The following GPC5 variants were observed in gnomAD, a reference collection of about 807,000 sequenced individuals.
GPC5 encodes the protein glypican 5.
A neutral mutation model predicts 53.9 loss-of-function variants in GPC5; 47 were observed. The ratio of observed to expected loss-of-function variants is 0.87; its 90% CI spans 0.69 to 1.11. The LOEUF (loss-of-function observed/expected upper bound fraction) is 1.11, where lower values mean the gene tolerates loss of function less well. Ranked by LOEUF, GPC5 falls within the 50% of genes most tolerant of loss-of-function variation. The pLI is 0.00. For missense variants in GPC5, 748 were observed against 713.1 expected, an observed-to-expected ratio of 1.05 and a Z score of -0.56; for synonymous variants, 286 against 263.3, an observed-to-expected ratio of 1.09 and a Z score of -0.84.
At chr13:91,972,898 C>A (rs1396116844) in intron 6 of GPC5, among the ~76,000 whole-genome samples, 1 of 152,176 alleles carries the variant, frequency 6.6e-6, no homozygotes, top group Non-Finnish European at 1.5e-5. Flanking sequence ...CTGCCCTTAA[C>A]ATTTTTTCCT....
intron 7 of GPC5, among the ~76,000 whole-genome samples, chr13:92,694,075 C>T (rs1887490963): frequency 6.6e-6 from 1 of 152,174 alleles, no homozygotes; most frequent in Non-Finnish European, 1.5e-5. Context: ...AGACCCAAAC[C>T]TTGGTGGCTT....
At chr13:92,684,072 C>G (rs1887183398) in intron 7 of GPC5, among the ~76,000 whole-genome samples, 1 of 151,988 alleles carries the variant, frequency 6.6e-6, no homozygotes, top group Non-Finnish European at 1.5e-5. Context: ...CTAGTTATTC[C>G]TCCTTTCTTT....
chr13:92,561,769 G>T (rs1208102897), intron 7 of GPC5, among the ~76,000 whole-genome samples: 2 of 152,016 alleles, frequency 1.3e-5, no homozygotes, highest in Non-Finnish European at 2.9e-5. Context: ...AAAAGAGAAG[G>T]TTTGGAGTTT....
intron 2 of GPC5, among the ~76,000 whole-genome samples, chr13:91,524,148 A>G (rs1885974636): frequency 6.6e-6 from 1 of 152,104 alleles, no homozygotes; most frequent in Non-Finnish European, 1.5e-5. Context: ...TAAAATGTAC[A>G]TCTGTTGTCT....
At chr13:92,650,740 G>C (rs1411151087) in intron 7 of GPC5, among the ~76,000 whole-genome samples, 1 of 152,096 alleles carries the variant, frequency 6.6e-6, no homozygotes. Context: ...CCTTTTGTAT[G>C]AATAATAATC....
chr13:92,119,441 C>T (rs1311254941), intron 6 of GPC5, among the ~76,000 whole-genome samples: 2 of 136,890 alleles, frequency 1.5e-5, no homozygotes, highest in Non-Finnish European at 3.0e-5. Flanking sequence ...CTCTTTCACC[C>T]AAGCTGGAGT....
intron 5 of GPC5, among the ~76,000 whole-genome samples, chr13:91,783,336 T>TA (rs1259964228): frequency 6.6e-6 from 1 of 152,174 alleles, no homozygotes; most frequent in Admixed American, 6.5e-5. Flanking sequence ...ATTGGTGAAG[T>TA]AAAACTTTTG....
At chr13:91,642,225 C>T (rs1390867982) in intron 2 of GPC5, among the ~76,000 whole-genome samples, 1 of 152,142 alleles carries the variant, frequency 6.6e-6, no homozygotes, top group African/African-American at 2.4e-5. Flanking sequence ...CTTAAATATA[C>T]ATTTTCTTAA....
chr13:91,983,486 C>T (rs1400962051), intron 6 of GPC5, among the ~76,000 whole-genome samples: 2 of 152,142 alleles, frequency 1.3e-5, no homozygotes, highest in African/African-American at 4.8e-5. Flanking sequence ...ATTGAACTGA[C>T]TCAGACTTGC....
At chr13:92,388,498 A>G (rs1874847594) in intron 7 of GPC5, among the ~76,000 whole-genome samples, 1 of 152,146 alleles carries the variant, frequency 6.6e-6, no homozygotes, top group Non-Finnish European at 1.5e-5. Context: ...TCCATTTTGG[A>G]AAGTTCCCTG....
intron 7 of GPC5, among the ~76,000 whole-genome samples, chr13:92,555,567 G>C (rs1214659397): frequency 6.6e-6 from 1 of 150,402 alleles, no homozygotes; most frequent in Non-Finnish European, 1.5e-5. Context: ...CCTTACAATT[G>C]AAAATGTCCT....
chr13:92,200,281 C>T (rs571994916), intron 7 of GPC5, among the ~76,000 whole-genome samples: 21 of 152,194 alleles, frequency 1.4e-4, no homozygotes, highest in Non-Finnish European at 2.5e-4. Context: ...CATCTATGAA[C>T]GCTATTGTGC....
intron 7 of GPC5, among the ~76,000 whole-genome samples, chr13:92,279,787 A>G (rs9589478): frequency 0.075 from 11,329 of 152,058 alleles, 556 homozygotes; most frequent in African/African-American, 0.13. Flanking sequence ...TATGGTATAT[A>G]ATTTATTCAG....
At position 92,301,306 on chromosome 13, in the gene GPC5, A is replaced by G. The variant is rs114827932; in HGVS notation, c.1561+156317A>G. On this transcript the variant is annotated intron_variant, in intron 7 of 7. Coordinates refer to ENST00000377067, the MANE Select transcript of GPC5 (RefSeq NM_004466.6). The stretch of plus-strand genomic sequence containing the variant: ...AAGAGATGGAATCTTTGGAGACTCT[A>G]TTATTGGAAATTGGAGAAAGAACTG... Among the ~76,000 whole-genome samples, 716 of 152,290 alleles carry G rather than the reference A, an allele frequency of 4.7e-3. 7 individuals carry two copies. The highest frequency in any genetic ancestry group is 0.016 in the African/African-American group (682 of 41,558).
chr13:92,228,517 C>T (rs2042505675), intron 7 of GPC5, among the ~76,000 whole-genome samples: 1 of 151,974 alleles, frequency 6.6e-6, no homozygotes, highest in Non-Finnish European at 1.5e-5. Flanking sequence ...AAATACTAAA[C>T]ATATCCCAAA....
chr13:92,679,815 TG>T (rs1447547910), intron 7 of GPC5, among the ~76,000 whole-genome samples: 2 of 152,128 alleles, frequency 1.3e-5, no homozygotes, highest in East Asian at 3.9e-4. Flanking sequence ...CTCTCTCTCA[TG>T]CACTCTCTCT....
intron 6 of GPC5, among the ~76,000 whole-genome samples, chr13:92,034,362 G>T (rs2040876752): frequency 6.6e-6 from 1 of 152,066 alleles, no homozygotes; most frequent in African/African-American, 2.4e-5. Context: ...GCTCAGCATG[G>T]TGGTGGATGC....
chr13:91,938,140 G>C (rs1318693026), intron 6 of GPC5, among the ~76,000 whole-genome samples: 3 of 152,092 alleles, frequency 2.0e-5, no homozygotes, highest in South Asian at 2.1e-4. Flanking sequence ...ATCTGAGATG[G>C]GGTAATTTAT....
intron 7 of GPC5, among the ~76,000 whole-genome samples, chr13:92,204,660 C>G (rs2042319927): frequency 6.6e-6 from 1 of 152,146 alleles, no homozygotes; most frequent in Admixed American, 6.5e-5. Context: ...TGCTATTATG[C>G]TCATAGTTGT....
Sources: allele counts gnomAD v4.1 joint callset (sites outside exome capture counted in the v4.1 genomes callset), GRCh38; gene constraint gnomAD v4.1.1; transcripts MANE v1.5; gene names NCBI Gene and HGNC (gene_info 2026-07-23, HGNC 2026-07-21).